PTPN22: variants seen among roughly 807,000 people sequenced by gnomAD.
PTPN22 encodes tyrosine-protein phosphatase non-receptor type 22.
In PTPN22, 85 loss-of-function variants were observed where a neutral mutation model predicts 103.3. That is an observed-to-expected ratio of 0.82 (90% CI 0.69 to 0.99). The LOEUF is 0.99. PTPN22 is among the 50% of genes least tolerant of loss of function. The pLI is 0.00. For missense variants in PTPN22, 865 were observed against 936.9 expected (o/e 0.92, Z 1.00); for synonymous variants, 323 against 310.2 (o/e 1.04, Z -0.43).
In PTPN22 at chr1:113,838,381, TTCA is replaced by T. The variant is rs767872193; in HGVS notation, c.1016_1018del (p.Met339del). 2.3e-5 allele frequency: 37 copies of T among 1,591,532 alleles called. No homozygotes were observed. The South Asian group carries it at 4.0e-4, about 17-fold the overall frequency. ...GATTTCCATTTTTGTCCTTTGTTGG[TTCA>T]TCATTTTTGCTGCTTTTGTGGTACT... On this transcript the variant is annotated inframe_deletion, in exon 13 of 21. Transcript: ENST00000359785.
At chr1:113,861,925 G>A (rs992861018) in intron 1 of PTPN22, among the ~76,000 whole-genome samples, 3 of 152,254 alleles carry the variant, frequency 2.0e-5, no homozygotes, top group Non-Finnish European at 4.4e-5. Context: ...CTACAAGGTA[G>A]GGGTGTGAGT....
At position 113,848,682 on chromosome 1, in the gene PTPN22, C is replaced by T. The variant is rs55717734; in HGVS notation, c.829-56G>A. 229 of 1,515,850 alleles carry T rather than the reference C, an allele frequency of 1.5e-4. 1 individual carries two copies. In the East Asian group the frequency reaches 3.7e-3, roughly 24 times the overall value. The allele number at this position is 1,515,850 out of a possible 1,614,324, so 93.9% of individuals were successfully genotyped here. ...AAACAAAAACAAAAAAATTGGTGAA[C>T]GACAGGACCAGATTTTAGGAATATG... is the stretch of plus-strand genomic sequence containing the variant. On this transcript the variant is annotated intron_variant, in intron 10 of 20. Transcript: ENST00000359785.
At chr1:113,822,254 T>C (rs570703844) in intron 19 of PTPN22, among the ~76,000 whole-genome samples, 1 of 152,340 alleles carries the variant, frequency 6.6e-6, no homozygotes, top group Admixed American at 6.5e-5. Flanking sequence ...CACCAACAGT[T>C]GACAGCTTCC....
intron 1 of PTPN22, among the ~76,000 whole-genome samples, chr1:113,864,651 C>T (rs1665958925): frequency 6.7e-6 from 1 of 149,574 alleles, no homozygotes; most frequent in Non-Finnish European, 1.5e-5. Context: ...CATGGTGGCT[C>T]ACGCCTATAA....
intron 20 of PTPN22, chr1:113,815,439 T>A (rs2101847181): frequency 6.6e-6 from 1 of 152,526 alleles, no homozygotes; most frequent in Middle Eastern, 3.4e-3. Flanking sequence ...TTGAAAATCT[T>A]AGAAAAAATA....
At chr1:113,838,227 A>G in exon 13 of PTPN22, 2 of 1,614,128 alleles carry the variant, frequency 1.2e-6, no homozygotes, top group Non-Finnish European at 1.7e-6. Flanking sequence ...TGGTTGTGTC[A>G]GCATTTTTGT....
In PTPN22 at chr1:113,864,206, A is replaced by G. The variant is rs189565634; in HGVS notation, c.88-4746T>C. On this transcript the variant is annotated intron_variant, in intron 1 of 20. Transcript: ENST00000359785. ...TGCTAATAAGAACTTACAATAGAAGATTTGATCTATTCAAAGAGGTCCAGA... is the reference window on the plus strand; with the variant it reads ...TGCTAATAAGAACTTACAATAGAAGGTTTGATCTATTCAAAGAGGTCCAGA... 991 of 448,480 alleles carry G rather than the reference A, an allele frequency of 2.2e-3. 6 individuals are homozygous for G. Among genetic ancestry groups the G allele is most frequent in the African/African-American group, 0.018 (903 of 49,334 alleles). The allele number at this position is 448,480 out of a possible 1,614,324, so 27.8% of individuals were successfully genotyped here.
intron 1 of PTPN22, among the ~76,000 whole-genome samples, chr1:113,859,937 AT>A (rs1250832008): frequency 1.4e-5 from 2 of 145,748 alleles, no homozygotes; most frequent in African/African-American, 5.0e-5. Flanking sequence ...AATTTCAAAG[AT>A]TTCAGTTCCA....
chr1:113,838,045 A>G, exon 13 of PTPN22: 2 of 1,613,934 alleles, frequency 1.2e-6, no homozygotes, highest in Non-Finnish European at 1.7e-6. Context: ...TATCAATTCA[A>G]AAGGAGTTGA....
intron 19 of PTPN22, among the ~76,000 whole-genome samples, chr1:113,821,927 G>A (rs1004587117): frequency 6.6e-6 from 1 of 152,174 alleles, no homozygotes; most frequent in Non-Finnish European, 1.5e-5. Context: ...GACTATAATT[G>A]GTTCAGGGAT....
intron 1 of PTPN22, among the ~76,000 whole-genome samples, chr1:113,870,947 C>A (rs543482578): frequency 6.6e-6 from 1 of 152,214 alleles, no homozygotes; most frequent in Admixed American, 6.5e-5. Flanking sequence ...GCAAGAGAAT[C>A]ACTTGAGGCC....
At chr1:113,823,812 T>C (rs3789607) in intron 19 of PTPN22, among the ~76,000 whole-genome samples, 33,090 of 152,218 alleles carry the variant, frequency 0.22, 4,502 homozygotes, top group South Asian at 0.39. Context: ...AATTCTCTTT[T>C]GACTCTTTTT....
intron 7 of PTPN22, among the ~76,000 whole-genome samples, chr1:113,855,638 T>A (rs1179231913): frequency 1.3e-5 from 2 of 152,240 alleles, no homozygotes; most frequent in Non-Finnish European, 2.9e-5. Context: ...TATATCCTTT[T>A]TGAAATTTAT....
intron 19 of PTPN22, among the ~76,000 whole-genome samples, chr1:113,821,557 C>T (rs1465704792): frequency 1.3e-5 from 2 of 152,122 alleles, no homozygotes; most frequent in African/African-American, 2.4e-5. Context: ...CTCCTGACCT[C>T]GTGATCTGCC....
intron 1 of PTPN22, among the ~76,000 whole-genome samples, chr1:113,864,923 A>C (rs114467078): frequency 0.024 from 3,576 of 150,036 alleles, 153 homozygotes; most frequent in African/African-American, 0.081. Flanking sequence ...AAAAAAAAAA[A>C]AAAAAATTAC....
At chr1:113,856,676 T>A (rs922373222) in intron 5 of PTPN22, 57 bp from the exon 6 acceptor site, 3 of 1,610,534 alleles carry the variant, frequency 1.9e-6, no homozygotes, top group Non-Finnish European at 2.5e-6. Flanking sequence ...TCTTTTCCAC[T>A]CTCTCATTTG....
At chr1:113,822,482 G>A (rs574603987) in intron 19 of PTPN22, among the ~76,000 whole-genome samples, 1 of 151,998 alleles carries the variant, frequency 6.6e-6, no homozygotes, top group Non-Finnish European at 1.5e-5. Flanking sequence ...TTCCAGCTTC[G>A]CCTTACTCCT....
intron 1 of PTPN22, among the ~76,000 whole-genome samples, chr1:113,870,284 C>T (rs1176670234): frequency 1.3e-5 from 2 of 152,058 alleles, no homozygotes; most frequent in East Asian, 3.9e-4. Context: ...ATGTCAAATA[C>T]TTCATAATTT....
chr1:113,844,348 G>C (rs1663865217), intron 11 of PTPN22, among the ~76,000 whole-genome samples: 1 of 152,296 alleles, frequency 6.6e-6, no homozygotes, highest in East Asian at 1.9e-4. Flanking sequence ...CAGCTATTTG[G>C]GAGGCTAAGG....
Sources: allele counts gnomAD v4.1 joint callset (sites outside exome capture counted in the v4.1 genomes callset), GRCh38; gene constraint gnomAD v4.1.1; transcripts MANE v1.5; gene names NCBI Gene and HGNC (gene_info 2026-07-23, HGNC 2026-07-21).